The following KIRREL1 variants were observed in gnomAD, a reference collection of about 807,000 sequenced individuals.
The protein encoded by KIRREL1 is kirre like nephrin family adhesion molecule 1.
Under a neutral mutation model 83.3 loss-of-function variants are expected in KIRREL1, and 25 were observed. That is an observed-to-expected ratio of 0.30 (90% CI 0.22 to 0.42). The LOEUF (loss-of-function observed/expected upper bound fraction) is 0.42. KIRREL1 is among the 10% of genes least tolerant of loss of function. The pLI is 1.00. For synonymous variants in KIRREL1, 388 were observed against 410.4 expected (o/e 0.95, Z 0.66); for missense variants, 812 against 1,032.3 (o/e 0.79, Z 2.92).
rs957395237 is a variant in KIRREL1 at position 158,095,193 on chromosome 1, G to A, written c.*73G>A. On this transcript the variant is annotated 3_prime_UTR_variant, in exon 15 of 15. Coordinates refer to ENST00000359209, the MANE Select transcript of KIRREL1 (RefSeq NM_018240.7). ...TTCACAGCTGTTCCCTGATATTCAG[G>A]GGCATTGCTCATTGCTCCCTTCTCG... The A allele has an allele frequency of 3.0e-5, 33 of 1,110,148 alleles. No individual in the cohort carries two copies. The highest frequency in any genetic ancestry group is 4.4e-4 in the Middle Eastern group (2 of 4,520). The allele number at this position is 1,110,148 out of a possible 1,614,324, so 68.8% of individuals were successfully genotyped here. A position where few individuals can be genotyped will look rare whatever the true frequency, so the allele number is the denominator to read the frequency against.
At chr1:158,070,252 C>A (rs765158025) in intron 1 of KIRREL1, among the ~76,000 whole-genome samples, 4 of 152,196 alleles carry the variant, frequency 2.6e-5, no homozygotes, top group Non-Finnish European at 5.9e-5. Context: ...CTCGTCCATT[C>A]TGGAGAGACA....
In KIRREL1 at chr1:158,087,768, G is replaced by C. The variant is rs1446658976; in HGVS notation, c.675G>C (p.Val225=). ...IELDVHHPPT[V]TLSIEPQTVQ... ...TCTACTTTGCAGACCCTCCTACAGT[G>C]ACCCTGTCCATTGAGCCACAGACGG... is the stretch of plus-strand genomic sequence containing the variant. Residue 225 remains valine, a synonymous_variant, in exon 6 of 15, where the codon GTG becomes GTC. Coordinates refer to ENST00000359209, the MANE Select transcript of KIRREL1 (RefSeq NM_018240.7). 6.2e-7 allele frequency: 1 copy of C among 1,613,862 alleles called. No homozygotes were observed. The highest frequency in any genetic ancestry group is 1.1e-5 in the South Asian group (1 of 91,030).
At chr1:158,043,589 C>T (rs1026476616) in intron 1 of KIRREL1, among the ~76,000 whole-genome samples, 1 of 152,256 alleles carries the variant, frequency 6.6e-6, no homozygotes, top group African/African-American at 2.4e-5. Flanking sequence ...AAATAAACGC[C>T]TTTCCTCTCC....
intron 8 of KIRREL1, among the ~76,000 whole-genome samples, chr1:158,089,159 GGAA>G (rs557945207): frequency 2.2e-3 from 337 of 152,286 alleles, no homozygotes; most frequent in Admixed American, 3.6e-3. Context: ...CAGAACTACA[GGAA>G]GAAGAATTTC....
At position 158,097,026 on chromosome 1, in the gene KIRREL1, A is replaced by G; in HGVS notation, c.*1906A>G. The G allele has an allele frequency of 2.2e-6, 1 of 456,952 alleles. No homozygotes were observed. Among genetic ancestry groups the G allele is most frequent in the Non-Finnish European group, 4.4e-6 (1 of 227,020 alleles). The allele number at this position is 456,952 out of a possible 1,614,324, so 28.3% of individuals were successfully genotyped here. Reference sequence around the variant, plus strand: ...ACCAGATAATACCCAGGAAGCAAGTAGCTCTAATTTTAACTTCACAGGAAG... The same window carrying G: ...ACCAGATAATACCCAGGAAGCAAGTGGCTCTAATTTTAACTTCACAGGAAG... On this transcript the variant is annotated 3_prime_UTR_variant, in exon 15 of 15. Coordinates refer to ENST00000359209, the MANE Select transcript of KIRREL1 (RefSeq NM_018240.7).
intron 1 of KIRREL1, among the ~76,000 whole-genome samples, chr1:158,040,762 A>G (rs761457599): frequency 6.8e-4 from 103 of 152,298 alleles, no homozygotes; most frequent in African/African-American, 2.4e-3. Flanking sequence ...TCAGAGGAGG[A>G]GGGCTGGAGC....
chr1:158,071,319 C>T (rs541017885), intron 1 of KIRREL1, among the ~76,000 whole-genome samples: 1 of 152,316 alleles, frequency 6.6e-6, no homozygotes, highest in Admixed American at 6.5e-5. Context: ...TCAGCGTTGT[C>T]TACGCCTCTG....
At chr1:158,019,912 G>T (rs190699452) in intron 1 of KIRREL1, among the ~76,000 whole-genome samples, 1 of 152,304 alleles carries the variant, frequency 6.6e-6, no homozygotes, top group African/African-American at 2.4e-5. Flanking sequence ...GAATCCCAGA[G>T]AAATTAGTCC....
chr1:158,095,040 A>G lies in KIRREL1; in HGVS notation c.2194A>G (p.Thr732Ala), dbSNP rs201378771. ...EAYDPIGKYA[T>A]ATRFSYTSQH... ...GTATGACCCCATTGGCAAGTACGCC[A>G]CAGCCACTCGATTCTCCTACACCTC... Residue 732 changes from threonine to alanine, a missense_variant, in exon 15 of 15, where the codon ACA (threonine) becomes GCA (alanine). By Grantham distance (58) the Thr-to-Ala change is moderately conservative. Coordinates refer to ENST00000359209, the MANE Select transcript of KIRREL1 (RefSeq NM_018240.7). 1.2e-6 allele frequency: 2 copies of G among 1,612,494 alleles called. No individual in the cohort carries two copies. The highest frequency in any genetic ancestry group is 4.5e-5 in the East Asian group (2 of 44,872).
chr1:158,081,572 G>A (rs1437171996), intron 3 of KIRREL1, among the ~76,000 whole-genome samples: 1 of 152,164 alleles, frequency 6.6e-6, no homozygotes, highest in Non-Finnish European at 1.5e-5. Context: ...AGTTTGGGGA[G>A]GCACATGAGC....
chr1:158,024,016 C>T (rs1177927064), intron 1 of KIRREL1, among the ~76,000 whole-genome samples: 1 of 152,052 alleles, frequency 6.6e-6, no homozygotes, highest in East Asian at 1.9e-4. Flanking sequence ...GGCATGATCT[C>T]GGCTAACCAC....
At chr1:158,042,679 C>T (rs1660661519) in intron 1 of KIRREL1, among the ~76,000 whole-genome samples, 1 of 152,128 alleles carries the variant, frequency 6.6e-6, no homozygotes, top group South Asian at 2.1e-4. Context: ...GACTATTCCC[C>T]AGTTTTGCAG....
chr1:158,023,616 G>A (rs893328879), intron 1 of KIRREL1, among the ~76,000 whole-genome samples: 7 of 152,266 alleles, frequency 4.6e-5, no homozygotes, highest in African/African-American at 1.7e-4. Flanking sequence ...CAAGTAGGGG[G>A]ACCGGGAGAC....
intron 1 of KIRREL1, among the ~76,000 whole-genome samples, chr1:158,073,186 C>G (rs1558011121): frequency 6.6e-6 from 1 of 152,250 alleles, no homozygotes; most frequent in East Asian, 1.9e-4. Context: ...GCCTTTCCAT[C>G]CAATTAAATT....
At chr1:158,021,994 G>T (rs2101654116) in intron 1 of KIRREL1, among the ~76,000 whole-genome samples, 1 of 152,162 alleles carries the variant, frequency 6.6e-6, no homozygotes, top group African/African-American at 2.4e-5. Flanking sequence ...GACATGGCAT[G>T]GATTGTAAGG....
chr1:158,006,041 T>C (rs1355010207), intron 1 of KIRREL1, among the ~76,000 whole-genome samples: 1 of 152,178 alleles, frequency 6.6e-6, no homozygotes. Context: ...CATTTAGCTA[T>C]CTGCAAGTGT....
At chr1:157,996,184 C>T (rs1383123295) in intron 1 of KIRREL1, among the ~76,000 whole-genome samples, 1 of 152,026 alleles carries the variant, frequency 6.6e-6, no homozygotes, top group Non-Finnish European at 1.5e-5. Flanking sequence ...ATAAAAATCG[C>T]ATTTTAAAGA....
rs368949156 is a variant in KIRREL1 at position 158,063,089 on chromosome 1, G to C, written c.53-13024G>C. ...CTTTGTGTGAAATACTCTTCTCCCA[G>C]TTCTCTGGCTGTCGAAATATTTCTT... On this transcript the variant is annotated intron_variant, in intron 1 of 14. Coordinates refer to ENST00000359209, the MANE Select transcript of KIRREL1 (RefSeq NM_018240.7). Among the ~76,000 whole-genome samples, 6 of 152,236 alleles carry C rather than the reference G, an allele frequency of 3.9e-5. No homozygotes were observed. In the East Asian group the frequency reaches 7.7e-4, roughly 20 times the overall value.
intron 1 of KIRREL1, among the ~76,000 whole-genome samples, chr1:158,014,673 G>A (rs1293990680): frequency 1.1e-4 from 6 of 53,160 alleles, no homozygotes; most frequent in African/African-American, 4.1e-4. Context: ...GAGAAATATA[G>A]TCTTTATGGG....
Sources: gnomAD v4.1 joint callset for allele counts (sites outside exome capture counted in the v4.1 genomes callset) on GRCh38, gnomAD v4.1.1 for gene constraint, MANE v1.5 for transcripts, NCBI Gene and HGNC (gene_info 2026-07-23, HGNC 2026-07-21) for gene names.